Variants in ARMC7 observed in about 807,000 individuals in gnomAD.
The protein encoded by ARMC7 is armadillo repeat-containing protein 7.
ARMC7 carries 9 observed loss-of-function variants against 14.8 expected under a neutral mutation model. That is an observed-to-expected ratio of 0.61 (90% confidence interval 0.37 to 1.06). The LOEUF is 1.06. Ranked by LOEUF, ARMC7 falls within the 50% of genes least tolerant of loss-of-function variation. ARMC7 has a pLI of 0.01. For synonymous variants in ARMC7, 125 were observed against 123.4 expected, an observed-to-expected ratio of 1.01 and a Z score of -0.09; for missense variants, 262 against 267.1, an observed-to-expected ratio of 0.98 and a Z score of 0.13.
intron 2 of ARMC7, among the ~76,000 whole-genome samples, chr17:75,117,758 C>A (rs1477039088): frequency 1.3e-5 from 2 of 152,146 alleles, no homozygotes; most frequent in Admixed American, 1.3e-4. Flanking sequence ...TATCTGAGGT[C>A]TCAGTGCCAG....
chr17:75,127,600 A>G (rs2074061222), intron 2 of ARMC7, among the ~76,000 whole-genome samples: 1 of 151,620 alleles, frequency 6.6e-6, no homozygotes, highest in South Asian at 2.1e-4. Context: ...GCTCCCAGCC[A>G]TTTGTTTGTT....
chr17:75,110,744 C>T (rs1032960883), intron 2 of ARMC7, 138 bp downstream of exon 2: 42 of 1,192,434 alleles, frequency 3.5e-5, no homozygotes, highest in Non-Finnish European at 4.8e-5. Flanking sequence ...GGGCGGATCA[C>T]CTGAGGTCAT....
intron 2 of ARMC7, among the ~76,000 whole-genome samples, chr17:75,116,280 A>C (rs2073972302): frequency 6.6e-6 from 1 of 152,196 alleles, no homozygotes; most frequent in Non-Finnish European, 1.5e-5. Context: ...CCTTCTTTCC[A>C]ATCAGGACTC....
rs1341622337 is a variant in ARMC7 at position 75,129,070 on chromosome 17, A to T, written c.*32A>T. 1 of 1,567,502 alleles carries T rather than the reference A, an allele frequency of 6.4e-7. No individual in the cohort carries two copies. The highest frequency in any genetic ancestry group is 8.6e-7 in the Non-Finnish European group (1 of 1,162,288). On this transcript the variant is annotated 3_prime_UTR_variant, in exon 3 of 3. Coordinates refer to ENST00000245543, the MANE Select transcript of ARMC7 (RefSeq NM_024585.4). Reference sequence around the variant, plus strand: ...GAGACTGCGAGACCGTGGCACCCCTACTGCTGGAGACCACAGTCCTGATGT... The same window carrying T: ...GAGACTGCGAGACCGTGGCACCCCTTCTGCTGGAGACCACAGTCCTGATGT...
chr17:75,110,344 C>A lies in ARMC7; in HGVS notation c.56C>A (p.Ala19Glu). The A allele has an allele frequency of 1.2e-6, 2 of 1,614,052 alleles. No individual in the cohort carries two copies. Among genetic ancestry groups the A allele is most frequent in the South Asian group, 1.1e-5 (1 of 91,080 alleles). The change falls in exon 1 of 3, where the codon GCG (alanine) becomes GAG (glutamate). Residue 19 changes from alanine (A) to glutamate (E), a missense_variant. By Grantham distance (107) the Ala-to-Glu change is moderately radical. Coordinates refer to ENST00000245543, the MANE Select transcript of ARMC7 (RefSeq NM_024585.4). ...GTCGGGCGGCTGGGATACCTGCAGG[C>A]GCTGGTCACGGAATTCCAGGAGACC... ...PHVGRLGYLQ[A>E]LVTEFQETQS... is the part of the protein sequence containing the mutation.
At chr17:75,121,864 T>TC (rs35816777) in intron 2 of ARMC7, among the ~76,000 whole-genome samples, 8,821 of 152,238 alleles carry the variant, frequency 0.058, 696 homozygotes, top group African/African-American at 0.17. Context: ...TTGCTCATTT[T>TC]CAAAATTGGG....
intron 2 of ARMC7, among the ~76,000 whole-genome samples, chr17:75,112,567 CTTTTTCTTT>C (rs1218735152): frequency 3.8e-5 from 5 of 130,108 alleles, no homozygotes; most frequent in Non-Finnish European, 6.3e-5. Context: ...TTTTTATTCT[CTTTTTCTTT>C]TTTTTTTTTT....
At chr17:75,110,725 A>C (rs569213255) in intron 2 of ARMC7, 119 bp downstream of exon 2, 2 of 1,372,356 alleles carry the variant, frequency 1.5e-6, no homozygotes, top group Non-Finnish European at 2.0e-6. Flanking sequence ...CAGTTTGGGA[A>C]GCTAAGGCGG....
chr17:75,114,913 G>T, intron 2 of ARMC7: 1 of 386,328 alleles, frequency 2.6e-6, no homozygotes, highest in Non-Finnish European at 4.6e-6. Context: ...TTCTCTTAGT[G>T]TCTCTGCTTG....
intron 2 of ARMC7, among the ~76,000 whole-genome samples, chr17:75,128,388 T>C (rs891465910): frequency 3.3e-5 from 5 of 151,866 alleles, no homozygotes; most frequent in African/African-American, 4.8e-5. Context: ...TTGTTTTAGG[T>C]TTTTACATTT....
In ARMC7 at chr17:75,129,177, GCATTTA is replaced by G; in HGVS notation, c.*142_*147del. ...AAGGCGGGTTCTTTCAGCAGGACAG[GCATTTA>G]CACTGATGAAACGCCACTGGGAGTG... is the stretch of plus-strand genomic sequence containing the variant. On this transcript the variant is annotated 3_prime_UTR_variant, in exon 3 of 3. Coordinates refer to ENST00000245543, the MANE Select transcript of ARMC7 (RefSeq NM_024585.4). 1 of 1,223,830 alleles carries G rather than the reference GCATTTA, an allele frequency of 8.2e-7. No individual in the cohort carries two copies. The allele number at this position is 1,223,830 out of a possible 1,614,324, so 75.8% of individuals were successfully genotyped here.
chr17:75,119,662 G>C (rs1049086120), intron 2 of ARMC7, among the ~76,000 whole-genome samples: 1 of 148,242 alleles, frequency 6.7e-6, no homozygotes, highest in Non-Finnish European at 1.5e-5. Flanking sequence ...GGGTTTCACC[G>C]TGTTAGCCAG....
intron 2 of ARMC7, among the ~76,000 whole-genome samples, chr17:75,119,929 G>A (rs2074001721): frequency 6.6e-6 from 1 of 151,832 alleles, no homozygotes; most frequent in Non-Finnish European, 1.5e-5. Context: ...TTTTGAGATG[G>A]AGTCTCGCCC....
At chr17:75,118,117 T>C (rs2145124627) in intron 2 of ARMC7, among the ~76,000 whole-genome samples, 1 of 139,902 alleles carries the variant, frequency 7.1e-6, no homozygotes, top group African/African-American at 3.1e-5. Flanking sequence ...AAAGCAAGAC[T>C]GTCTCAAAAA....
chr17:75,115,959 G>A (rs757777957), intron 2 of ARMC7, among the ~76,000 whole-genome samples: 1 of 152,200 alleles, frequency 6.6e-6, no homozygotes, highest in Non-Finnish European at 1.5e-5. Context: ...AACCCTTTGA[G>A]GGTGAGCTGT....
chr17:75,111,980 G>A (rs1023624874), intron 2 of ARMC7, among the ~76,000 whole-genome samples: 2 of 151,530 alleles, frequency 1.3e-5, no homozygotes, highest in African/African-American at 2.5e-5. Context: ...GGGGGGACAG[G>A]TGGTTAGCAA....
In ARMC7 at chr17:75,118,016, G is replaced by A. The variant is rs1170121320; in HGVS notation, c.235+7410G>A. Among the ~76,000 whole-genome samples, 4 of 151,562 alleles carry A rather than the reference G, an allele frequency of 2.6e-5. No individual in the cohort carries two copies. In the East Asian group the frequency reaches 7.8e-4, roughly 29 times the overall value. On this transcript the variant is annotated intron_variant, in intron 2 of 2. Transcript: ENST00000245543. ...GGAGCCTGTAATCCCAGCTACTCTGGAAGCTGAGGCAGGAGAATCGCTTGA... is the reference window on the plus strand; with the variant it reads ...GGAGCCTGTAATCCCAGCTACTCTGAAAGCTGAGGCAGGAGAATCGCTTGA...
chr17:75,110,868 G>T (rs998327006), intron 2 of ARMC7, among the ~76,000 whole-genome samples: 5 of 148,258 alleles, frequency 3.4e-5, no homozygotes, highest in Non-Finnish European at 5.9e-5. Context: ...GGCAGGAGAA[G>T]CTTGAACCCA....
Position 75,110,296 on chromosome 17 carries a change from A to G in ARMC7, c.8A>G (p.Gln3Arg). The G allele has an allele frequency of 6.2e-7, 1 of 1,611,472 alleles. No homozygotes were observed. Among genetic ancestry groups the G allele is most frequent in the East Asian group, 2.2e-5 (1 of 44,874 alleles). Residue 3 changes from glutamine (Q) to arginine (R), a missense_variant, in exon 1 of 3, where the codon CAG becomes CGG. Coordinates refer to ENST00000245543, the MANE Select transcript of ARMC7 (RefSeq NM_024585.4). MA[Q>R]KPKVDPHVGR... Reference sequence around the variant, plus strand: ...TCCTCCGTCACCGCGGCCATGGCCCAGAAGCCGAAGGTGGACCCCCACGTC... The same window carrying G: ...TCCTCCGTCACCGCGGCCATGGCCCGGAAGCCGAAGGTGGACCCCCACGTC...
Sources: gnomAD v4.1 joint callset for allele counts (sites outside exome capture counted in the v4.1 genomes callset) on GRCh38, gnomAD v4.1.1 for gene constraint, MANE v1.5 for transcripts, NCBI Gene and HGNC (gene_info 2026-07-23, HGNC 2026-07-21) for gene names.